The following PDE7A variants were observed in gnomAD, a reference collection of about 807,000 sequenced individuals.
The protein encoded by PDE7A is phosphodiesterase 7A.
In PDE7A, 39 loss-of-function variants were observed where a neutral mutation model predicts 64.3. The ratio of observed to expected loss-of-function variants is 0.61; its 90% CI spans 0.47 to 0.79. The LOEUF is 0.79. PDE7A is among the 30% of genes least tolerant of loss of function. The pLI is 0.00. For synonymous variants in PDE7A, 203 were observed against 206.8 expected, an observed-to-expected ratio of 0.98 and a Z score of 0.16; for missense variants, 470 against 582.8, an observed-to-expected ratio of 0.81 and a Z score of 1.99.
chr8:65,766,317 C>CT (rs1808781703), intron 3 of PDE7A, among the ~76,000 whole-genome samples: 1 of 152,154 alleles, frequency 6.6e-6, no homozygotes, highest in South Asian at 2.1e-4. Flanking sequence ...CTCAAAATAT[C>CT]TTATTTCAAG....
chr8:65,815,247 A>T (rs953572354), intron 1 of PDE7A, among the ~76,000 whole-genome samples: 30 of 152,200 alleles, frequency 2.0e-4, no homozygotes, highest in African/African-American at 7.2e-4. Flanking sequence ...GAGAGTTTAA[A>T]CTAAGCCCTA....
In PDE7A at chr8:65,716,971, T is replaced by C. The variant is rs7829562; in HGVS notation, c.*2319A>G. Among the ~76,000 whole-genome samples, 16,706 of 152,188 alleles carry C rather than the reference T, an allele frequency of 0.11. 1,143 individuals are homozygous for C. Among genetic ancestry groups the C allele is most frequent in the Middle Eastern group, 0.17 (51 of 294 alleles). On this transcript the variant is annotated 3_prime_UTR_variant, in exon 13 of 13. Transcript: ENST00000401827. ...GTGCCTGAGATATGACTAGTCCAAATTGAGATGTGCTGTAAGTACACAATA... is the reference window on the plus strand; with the variant it reads ...GTGCCTGAGATATGACTAGTCCAAACTGAGATGTGCTGTAAGTACACAATA...
intron 1 of PDE7A, among the ~76,000 whole-genome samples, chr8:65,798,198 A>ATTTTTTTTTTTTT (rs1374731657): frequency 2.3e-4 from 5 of 21,624 alleles, no homozygotes; most frequent in African/African-American, 1.1e-3. Context: ...ATATATATAT[A>ATTTTTTTTTTTTT]TATATATATT....
intron 1 of PDE7A, among the ~76,000 whole-genome samples, chr8:65,820,836 C>T (rs990973797): frequency 7.9e-5 from 12 of 152,152 alleles, no homozygotes; most frequent in Admixed American, 5.9e-4. Flanking sequence ...ATGATCCACC[C>T]GCCTCAGCCT....
Position 65,745,401 on chromosome 8 carries a change from A to C in PDE7A, c.499+6T>G. The C allele has an allele frequency of 6.7e-7, 1 of 1,499,420 alleles. No homozygotes were observed. The highest frequency in any genetic ancestry group is 9.3e-7 in the Non-Finnish European group (1 of 1,075,550). The allele number at this position is 1,499,420 out of a possible 1,614,324, so 92.9% of individuals were successfully genotyped here. ...TTAACTTGAGCAAGTCAAATTCTTC[A>C]CTTACCATTTGTTAGTCTATCAAAT... is the stretch of plus-strand genomic sequence containing the variant. On this transcript the variant is annotated splice_donor_region_variant and intron_variant, in intron 5 of 12. Coordinates refer to ENST00000401827, the MANE Select transcript of PDE7A (RefSeq NM_001242318.3).
At chr8:65,831,171 T>C (rs1372054892) in intron 1 of PDE7A, among the ~76,000 whole-genome samples, 1 of 152,122 alleles carries the variant, frequency 6.6e-6, no homozygotes, top group Non-Finnish European at 1.5e-5. Flanking sequence ...ATGAGCAAAA[T>C]GTTTGAAAAC....
chr8:65,762,590 G>C (rs1296898713), intron 3 of PDE7A, among the ~76,000 whole-genome samples: 2 of 152,088 alleles, frequency 1.3e-5, no homozygotes, highest in Non-Finnish European at 2.9e-5. Context: ...CCACAAGACT[G>C]TTAAAGATTA....
intron 8 of PDE7A, 29 bp from the exon 9 acceptor site, chr8:65,726,995 T>C (rs144980728): frequency 0.012 from 14,521 of 1,231,842 alleles, 125 homozygotes; most frequent in Non-Finnish European, 0.013. Context: ...CTGAGTTACT[T>C]AATGATACGT....
chr8:65,730,182 T>C (rs1447552551), intron 7 of PDE7A, among the ~76,000 whole-genome samples: 4 of 133,286 alleles, frequency 3.0e-5, no homozygotes, highest in African/African-American at 5.7e-5. Flanking sequence ...TTTTTTTTTT[T>C]TTTTTTTTTT....
chr8:65,754,050 C>T (rs992731134), intron 3 of PDE7A, among the ~76,000 whole-genome samples: 1 of 152,052 alleles, frequency 6.6e-6, no homozygotes, highest in Non-Finnish European at 1.5e-5. Context: ...CACAAGGTCC[C>T]ACAATAGGGC....
chr8:65,793,350 T>C (rs1809751363), intron 1 of PDE7A, among the ~76,000 whole-genome samples: 1 of 152,158 alleles, frequency 6.6e-6, no homozygotes, highest in Non-Finnish European at 1.5e-5. Context: ...ATCAGCATGC[T>C]GAATTACAAA....
intron 1 of PDE7A, among the ~76,000 whole-genome samples, 175 bp downstream of exon 1, chr8:65,841,196 A>AC (rs907290397): frequency 2.6e-5 from 4 of 152,104 alleles, no homozygotes; most frequent in African/African-American, 9.7e-5. Flanking sequence ...TGGAGAACTG[A>AC]GGGGGGACAG....
At position 65,788,977 on chromosome 8, in the gene PDE7A, T is replaced by C; in HGVS notation, c.139-6134A>G. On this transcript the variant is annotated intron_variant, in intron 1 of 12. Coordinates refer to ENST00000401827, the MANE Select transcript of PDE7A (RefSeq NM_001242318.3). ...AAAAGCCCGCTGCATAATCTCTCTC[T>C]TCTACTAGGGAGCAAGGAAAACTTC... 3.1e-6 allele frequency: 5 copies of C among 1,607,568 alleles called. No homozygotes were observed. In the Admixed American group the frequency reaches 6.7e-5, roughly 22 times the overall value.
intron 3 of PDE7A, among the ~76,000 whole-genome samples, chr8:65,760,762 G>A (rs891575576): frequency 3.9e-5 from 6 of 152,154 alleles, no homozygotes; most frequent in Non-Finnish European, 8.8e-5. Flanking sequence ...CTTTGGAAAA[G>A]CCTAGACTCC....
At chr8:65,775,677 G>C (rs1009220860) in intron 3 of PDE7A, among the ~76,000 whole-genome samples, 1 of 152,236 alleles carries the variant, frequency 6.6e-6, no homozygotes, top group Admixed American at 6.5e-5. Flanking sequence ...GCCAAGGCTT[G>C]AGTGAAGTGG....
At chr8:65,816,843 T>G (rs1285577976) in intron 1 of PDE7A, among the ~76,000 whole-genome samples, 1 of 152,234 alleles carries the variant, frequency 6.6e-6, no homozygotes, top group African/African-American at 2.4e-5. Flanking sequence ...CTAGTCACAT[T>G]CACTGACCTT....
At chr8:65,782,125 A>C (rs1322759194) in intron 2 of PDE7A, among the ~76,000 whole-genome samples, 4 of 152,210 alleles carry the variant, frequency 2.6e-5, no homozygotes, top group South Asian at 2.1e-4. Context: ...GCTGAGGAGG[A>C]GTCGTGGGAG....
At chr8:65,767,800 T>G (rs1460621909) in intron 3 of PDE7A, among the ~76,000 whole-genome samples, 3 of 152,174 alleles carry the variant, frequency 2.0e-5, no homozygotes, top group Admixed American at 2.0e-4. Flanking sequence ...ATCTGGATCC[T>G]TTGCAATATC....
chr8:65,841,974 C>G lies in PDE7A; in HGVS notation c.-466G>C. The G allele has an allele frequency of 4.0e-6, 1 of 251,446 alleles. No individual in the cohort carries two copies. Among genetic ancestry groups the G allele is most frequent in the Non-Finnish European group, 7.5e-6 (1 of 133,150 alleles). 15.6% of individuals were successfully genotyped at this position (251,446 alleles called of 1,614,324 possible). ...CAGCGACCAGCTCGGGCCGCCGCCGCCGCCGCCGCCGCCGCCGCCGGAGTC... is the reference window on the plus strand; with the variant it reads ...CAGCGACCAGCTCGGGCCGCCGCCGGCGCCGCCGCCGCCGCCGCCGGAGTC... On this transcript the variant is annotated 5_prime_UTR_variant, in exon 1 of 13. Coordinates refer to ENST00000401827, the MANE Select transcript of PDE7A (RefSeq NM_001242318.3).
Sources: allele counts gnomAD v4.1 joint callset (sites outside exome capture counted in the v4.1 genomes callset), GRCh38; gene constraint gnomAD v4.1.1; transcripts MANE v1.5; gene names NCBI Gene and HGNC (gene_info 2026-07-23, HGNC 2026-07-21).